ANGPT1: variants seen among roughly 807,000 people sequenced by gnomAD.
ANGPT1 encodes the protein angiopoietin-1.
ANGPT1 carries 17 observed loss-of-function variants against 62.2 expected under a neutral mutation model. The ratio of observed to expected loss-of-function variants is 0.27; its 90% CI spans 0.19 to 0.41. ANGPT1 has a LOEUF of 0.41. Among genes scored for constraint, ANGPT1 ranks in the 10% least tolerant of loss-of-function variants. The pLI is 1.00. For missense variants in ANGPT1, 478 were observed against 594.9 expected (o/e 0.80, Z 2.04); for synonymous variants, 199 against 198.9 (o/e 1.00, Z 0.00).
At chr8:107,355,249 C>T (rs900914613) in intron 1 of ANGPT1, among the ~76,000 whole-genome samples, 20 of 152,086 alleles carry the variant, frequency 1.3e-4, no homozygotes, top group African/African-American at 3.9e-4. Flanking sequence ...CTCCCGCTTC[C>T]CTCTCTCCCT....
At chr8:107,417,610 C>T (rs937676082) in intron 1 of ANGPT1, among the ~76,000 whole-genome samples, 1 of 152,080 alleles carries the variant, frequency 6.6e-6, no homozygotes, top group African/African-American at 2.4e-5. Context: ...TTACCTTTCC[C>T]CCAAATAGAT....
chr8:107,372,436 T>G (rs2130247955), intron 1 of ANGPT1, among the ~76,000 whole-genome samples: 1 of 152,302 alleles, frequency 6.6e-6, no homozygotes, highest in African/African-American at 2.4e-5. Context: ...AAAATTACAA[T>G]CCATGTAATA....
intron 1 of ANGPT1, among the ~76,000 whole-genome samples, chr8:107,349,987 T>G (rs888862780): frequency 3.3e-5 from 5 of 152,086 alleles, no homozygotes; most frequent in African/African-American, 1.2e-4. Flanking sequence ...ACTGCCTGTA[T>G]GAGACCTGCT....
chr8:107,398,601 T>C (rs1816983952), intron 1 of ANGPT1, among the ~76,000 whole-genome samples: 1 of 151,118 alleles, frequency 6.6e-6, no homozygotes. Context: ...TGATGGGTCA[T>C]ATAATCCTTG....
intron 1 of ANGPT1, among the ~76,000 whole-genome samples, chr8:107,435,448 T>C (rs963425156): frequency 2.6e-5 from 4 of 152,198 alleles, no homozygotes; most frequent in African/African-American, 9.7e-5. Flanking sequence ...CAGAGGATAG[T>C]AAATGCAGAT....
At chr8:107,409,931 T>C (rs1386615987) in intron 1 of ANGPT1, among the ~76,000 whole-genome samples, 1 of 144,226 alleles carries the variant, frequency 6.9e-6, no homozygotes, top group East Asian at 2.1e-4. Flanking sequence ...AATAAATATA[T>C]GTGATGAATC....
intron 4 of ANGPT1, among the ~76,000 whole-genome samples, chr8:107,308,925 T>C (rs1461507212): frequency 1.3e-5 from 2 of 152,120 alleles, no homozygotes; most frequent in Non-Finnish European, 2.9e-5. Flanking sequence ...TAAATCTAGA[T>C]GGTGCATCCA....
At chr8:107,271,537 G>C (rs192689587) in intron 7 of ANGPT1, among the ~76,000 whole-genome samples, 1 of 152,080 alleles carries the variant, frequency 6.6e-6, no homozygotes, top group East Asian at 1.9e-4. Flanking sequence ...TACAGCTCAT[G>C]AGGACAGGCA....
chr8:107,471,411 G>C (rs775746739), intron 1 of ANGPT1, among the ~76,000 whole-genome samples: 1 of 152,044 alleles, frequency 6.6e-6, no homozygotes, highest in African/African-American at 2.4e-5. Flanking sequence ...TCAGGCTGTG[G>C]GGGGACTAGG....
chr8:107,336,542 G>C lies in ANGPT1; in HGVS notation c.454-271C>G, dbSNP rs562452945. ...TAGCCGGGCGTGGTAGCGGGCGCCT[G>C]TAGTCCCAGCTACTCGGGAGGCTGA... On this transcript the variant is annotated intron_variant, in intron 2 of 8. Transcript: ENST00000517746. 1.7e-4 allele frequency: 46 copies of C among 265,790 alleles called. 1 individual carries two copies. In the South Asian group the frequency reaches 2.2e-3, roughly 13 times the overall value. 16.5% of individuals were successfully genotyped at this position (265,790 alleles called of 1,614,324 possible).
At chr8:107,347,971 T>C (rs1419187981) in intron 1 of ANGPT1, among the ~76,000 whole-genome samples, 1 of 152,180 alleles carries the variant, frequency 6.6e-6, no homozygotes, top group Non-Finnish European at 1.5e-5. Context: ...GCTGAACATA[T>C]GCATTGTTTG....
chr8:107,383,512 C>T (rs1441389764), intron 1 of ANGPT1, among the ~76,000 whole-genome samples: 1 of 152,166 alleles, frequency 6.6e-6, no homozygotes, highest in Admixed American at 6.6e-5. Flanking sequence ...GCAAGTCATA[C>T]TTCAAGTCCT....
At chr8:107,454,635 C>T (rs1319216225) in intron 1 of ANGPT1, among the ~76,000 whole-genome samples, 1 of 152,056 alleles carries the variant, frequency 6.6e-6, no homozygotes, top group African/African-American at 2.4e-5. Flanking sequence ...AAACAACCCG[C>T]TAATGCGCTG....
At chr8:107,280,226 G>A (rs944014369) in intron 7 of ANGPT1, among the ~76,000 whole-genome samples, 6 of 151,254 alleles carry the variant, frequency 4.0e-5, no homozygotes, top group Non-Finnish European at 7.4e-5. Context: ...TTGAGATGGC[G>A]TTTCACTCTT....
At chr8:107,392,475 G>T (rs1301678694) in intron 1 of ANGPT1, among the ~76,000 whole-genome samples, 1 of 151,852 alleles carries the variant, frequency 6.6e-6, no homozygotes, top group Admixed American at 6.6e-5. Context: ...CATCCATTGG[G>T]GTTACAGATT....
chr8:107,333,920 G>GAGAAAGAAAGAAAGAAAGAAAGAA (rs139390488), intron 3 of ANGPT1, among the ~76,000 whole-genome samples: 19 of 138,162 alleles, frequency 1.4e-4, no homozygotes, highest in African/African-American at 4.3e-4. Context: ...AAGAAATAAA[G>GAGAAAGAAAGAAAGAAAGAAAGAA]AGAAAGAAAG....
intron 6 of ANGPT1, among the ~76,000 whole-genome samples, chr8:107,293,655 T>C (rs1475258179): frequency 3.3e-5 from 5 of 152,108 alleles, no homozygotes; most frequent in African/African-American, 1.2e-4. Context: ...GTCTGAGTTC[T>C]AGCTTCCCCC....
intron 4 of ANGPT1, among the ~76,000 whole-genome samples, chr8:107,316,293 T>C (rs746450740): frequency 1.7e-4 from 26 of 152,174 alleles, no homozygotes; most frequent in Non-Finnish European, 1.9e-4. Flanking sequence ...CTGTCCAATA[T>C]GGTGCAGCGT....
chr8:107,456,968 T>G (rs764674807), intron 1 of ANGPT1, among the ~76,000 whole-genome samples: 8 of 152,076 alleles, frequency 5.3e-5, no homozygotes, highest in East Asian at 1.9e-4. Flanking sequence ...AGCAGTATTT[T>G]TATGATAAAA....
Sources: gnomAD v4.1 joint callset for allele counts (sites outside exome capture counted in the v4.1 genomes callset) on GRCh38, gnomAD v4.1.1 for gene constraint, MANE v1.5 for transcripts, NCBI Gene and HGNC (gene_info 2026-07-23, HGNC 2026-07-21) for gene names.